Variants in STK10 observed in about 807,000 individuals in gnomAD.
The protein encoded by STK10 is serine/threonine-protein kinase 10.
Under a neutral mutation model 113.8 loss-of-function variants are expected in STK10, and 78 were observed. That is an observed-to-expected ratio of 0.69 (90% CI 0.57 to 0.83). The LOEUF (loss-of-function observed/expected upper bound fraction) is 0.83, where lower values mean the gene tolerates loss of function less well. Among genes scored for constraint, STK10 ranks in the 40% least tolerant of loss-of-function variants. The probability of loss-of-function intolerance (pLI) is 0.00; values close to 1 mark genes in which losing one functional copy is unlikely to be tolerated. For synonymous variants in STK10, 465 were observed against 494.7 expected, an observed-to-expected ratio of 0.94 and a Z score of 0.80; for missense variants, 1,109 against 1,280.1, an observed-to-expected ratio of 0.87 and a Z score of 2.04.
In STK10 at chr5:172,060,537, G is replaced by C. The variant is rs143458997; in HGVS notation, c.2212+602C>G. ...GTGAGAAGGTGCCATCTATGAAGCA[G>C]AGAGTAAGTCCTCTCCAGACCACAA... On this transcript the variant is annotated intron_variant, in intron 14 of 18. Coordinates refer to ENST00000176763, the MANE Select transcript of STK10 (RefSeq NM_005990.4). Among the ~76,000 whole-genome samples, 235 of 152,382 alleles carry C rather than the reference G, an allele frequency of 1.5e-3. 3 individuals are homozygous for C. In the Middle Eastern group the frequency reaches 0.02, roughly 13 times the overall value.
intron 12 of STK10, among the ~76,000 whole-genome samples, chr5:172,069,803 A>G (rs73319821): frequency 9.6e-4 from 146 of 152,324 alleles, no homozygotes; most frequent in African/African-American, 3.2e-3. Flanking sequence ...AATACTATCA[A>G]TTAAGTTGAC....
chr5:172,147,396 CTTTT>C (rs34461452), intron 2 of STK10, among the ~76,000 whole-genome samples: 1 of 145,282 alleles, frequency 6.9e-6, no homozygotes, highest in African/African-American at 2.5e-5. Context: ...TTCTTTCTTT[CTTTT>C]TTTTTTTTTG....
chr5:172,075,317 T>A (rs1768284289), intron 12 of STK10, among the ~76,000 whole-genome samples: 1 of 152,182 alleles, frequency 6.6e-6, no homozygotes, highest in Admixed American at 6.5e-5. Context: ...CTGTTGATAT[T>A]CAGTAGTAAG....
At chr5:172,124,872 T>C (rs1769587409) in intron 3 of STK10, among the ~76,000 whole-genome samples, 1 of 149,536 alleles carries the variant, frequency 6.7e-6, no homozygotes, top group South Asian at 2.1e-4. Flanking sequence ...AAATGGTCTT[T>C]AGTATATATA....
chr5:172,084,589 C>A (rs1768509825), intron 10 of STK10, among the ~76,000 whole-genome samples: 1 of 151,818 alleles, frequency 6.6e-6, no homozygotes, highest in Non-Finnish European at 1.5e-5. Context: ...AGGATTAAAC[C>A]ATAAAACACT....
intron 7 of STK10, among the ~76,000 whole-genome samples, chr5:172,100,747 A>G (rs2113756561): frequency 6.6e-6 from 1 of 152,286 alleles, no homozygotes; most frequent in South Asian, 2.1e-4. Context: ...AGATCAGGCC[A>G]CTGTACTCCA....
At chr5:172,123,561 G>T (rs566415012) in intron 3 of STK10, among the ~76,000 whole-genome samples, 5 of 152,292 alleles carry the variant, frequency 3.3e-5, no homozygotes, top group South Asian at 2.1e-4. Flanking sequence ...GGACACAGAG[G>T]GGGTGCTAGC....
At position 172,096,568 on chromosome 5, in the gene STK10, GGCAA is replaced by G; in HGVS notation, c.871-12_871-9del. On this transcript the variant is annotated splice_polypyrimidine_tract_variant and intron_variant, in intron 7 of 18. Coordinates refer to ENST00000176763, the MANE Select transcript of STK10 (RefSeq NM_005990.4). ...GCTGCTGACGAAGGGATGCTGAGGG[GGCAA>G]GATGCACCCAGATTAGAACCACTCT... 6.2e-7 allele frequency: 1 copy of G among 1,612,478 alleles called. No homozygotes were observed. Among genetic ancestry groups the G allele is most frequent in the Non-Finnish European group, 8.5e-7 (1 of 1,180,014 alleles).
At chr5:172,096,597 T>G in intron 7 of STK10, 37 bp from the exon 8 acceptor site, 1 of 1,605,804 alleles carries the variant, frequency 6.2e-7, no homozygotes, top group Non-Finnish European at 8.5e-7. Flanking sequence ...AGAACCACTC[T>G]GGGGTCACGG....
rs1230082135 is a variant in STK10 at position 172,093,673 on chromosome 5, A to C, written c.1293T>G (p.Ala431=). The change falls in exon 9 of 19, where the codon GCT becomes GCG. Residue 431 remains alanine, a synonymous_variant. Coordinates refer to ENST00000176763, the MANE Select transcript of STK10 (RefSeq NM_005990.4). The surrounding 1 kb of genome is among the most constrained non-coding windows in gnomAD (Gnocchi z 4.1). The stretch of plus-strand genomic sequence containing the variant: ...CTGGGCTGAGGTCCCCACCCTGCTC[A>C]GCAACTTGCTTCTCCTGGGCTACCT... The part of the protein sequence containing the change: ...RIQVAQEKQV[A]EQGGDLSPAA... 6.2e-7 allele frequency: 1 copy of C among 1,614,238 alleles called. No homozygotes were observed. The highest frequency in any genetic ancestry group is 8.5e-7 in the Non-Finnish European group (1 of 1,180,038).
chr5:172,118,388 G>A (rs1458540640), intron 3 of STK10, among the ~76,000 whole-genome samples: 1 of 152,202 alleles, frequency 6.6e-6, no homozygotes, highest in East Asian at 1.9e-4. Context: ...AACGGTGAGT[G>A]ACACTTGGAA....
At chr5:172,100,033 G>A (rs1157490200) in intron 7 of STK10, among the ~76,000 whole-genome samples, 2 of 152,236 alleles carry the variant, frequency 1.3e-5, no homozygotes, top group South Asian at 2.1e-4. Context: ...ACCAGAGCAA[G>A]CAAGGCTGGC....
intron 6 of STK10, 113 bp downstream of exon 6, chr5:172,106,507 T>A (rs1200082094): frequency 1.7e-6 from 2 of 1,182,288 alleles, no homozygotes; most frequent in Non-Finnish European, 2.3e-6. Context: ...CCTTTGGAGC[T>A]AGCAGCACCA....
chr5:172,165,793 CTT>C (rs3028106), intron 1 of STK10, among the ~76,000 whole-genome samples: 4 of 148,396 alleles, frequency 2.7e-5, no homozygotes, highest in Non-Finnish European at 3.0e-5. Context: ...TGGTTGTTTG[CTT>C]TTTTTTTTTT....
intron 12 of STK10, among the ~76,000 whole-genome samples, chr5:172,079,540 T>C (rs527955995): frequency 1.3e-5 from 2 of 149,648 alleles, no homozygotes; most frequent in East Asian, 3.8e-4. Context: ...TAATAGAATA[T>C]ATACATATAT....
rs1581152456 is a variant in STK10 at position 172,093,731 on chromosome 5, T to C, written c.1235A>G (p.Lys412Arg). ...GGCATCCATTGACACGGGTCGGGAC[T>C]TCCGCAGGGGCACAGGCACTGCCAG... ...NGLAVPVPLR[K>R]SRPVSMDARI... Residue 412 changes from lysine (K) to arginine (R), a missense_variant, in exon 9 of 19, where the codon AAG becomes AGG. Lys to Arg is a conservative substitution (Grantham distance 26). This residue lies in a region of STK10 where 885 missense variants were observed against 991.1 expected (regional missense o/e 0.89). Coordinates refer to ENST00000176763, the MANE Select transcript of STK10 (RefSeq NM_005990.4). This position sits in a 1 kb window ranked among gnomAD's most constrained non-coding sequence, Gnocchi z 4.1. The C allele has an allele frequency of 1.2e-6, 2 of 1,613,788 alleles. No homozygotes were observed. Among genetic ancestry groups the C allele is most frequent in the Middle Eastern group, 1.6e-4 (1 of 6,062 alleles).
intron 18 of STK10, among the ~76,000 whole-genome samples, chr5:172,048,610 TACCATCCTAGTTCA>T (rs1028996075): frequency 1.5e-4 from 16 of 110,302 alleles, no homozygotes; most frequent in African/African-American, 9.3e-4. Flanking sequence ...CAACCTCTGA[TACCATCCTAGTTCA>T]AGATACCACC....
intron 2 of STK10, among the ~76,000 whole-genome samples, chr5:172,128,626 T>C (rs188444051): frequency 3.5e-4 from 54 of 152,336 alleles, no homozygotes; most frequent in Admixed American, 2.3e-3. Context: ...CCACCCTGCC[T>C]GACCTCTTTT....
At chr5:172,048,830 C>A (rs938355503) in intron 18 of STK10, among the ~76,000 whole-genome samples, 7 of 137,304 alleles carry the variant, frequency 5.1e-5, no homozygotes, top group African/African-American at 3.1e-5. Context: ...TTTACGCAGG[C>A]CCCCCACCCC....
Sources: gnomAD v4.1 joint callset for allele counts (sites outside exome capture counted in the v4.1 genomes callset) on GRCh38, gnomAD v4.1.1 for gene constraint, gnomAD v4.1.1 regional missense constraint, Gnocchi (gnomAD v3.1) non-coding constraint, MANE v1.5 for transcripts, NCBI Gene and HGNC (gene_info 2026-07-23, HGNC 2026-07-21) for gene names.